LCP2: variants seen among roughly 807,000 people sequenced by gnomAD.
LCP2 encodes the protein lymphocyte cytosolic protein 2.
A neutral mutation model predicts 74.5 loss-of-function variants in LCP2; 29 were observed. The ratio of observed to expected loss-of-function variants is 0.39; its 90% CI spans 0.29 to 0.53. The LOEUF is 0.53. LCP2 is among the 20% of genes least tolerant of loss of function. LCP2 has a pLI of 0.72. For synonymous variants in LCP2, 228 were observed against 229.5 expected (o/e 0.99, Z 0.06); for missense variants, 604 against 634.6 (o/e 0.95, Z 0.52).
At chr5:170,251,262 C>A in intron 19 of LCP2, 2 of 200,816 alleles carry the variant, frequency 1.0e-5, no homozygotes, top group Admixed American at 5.4e-5. Context: ...CCTAGTATTC[C>A]TGTGAGTTAA....
chr5:170,269,993 C>T (rs770107106), intron 7 of LCP2, among the ~76,000 whole-genome samples: 31 of 152,156 alleles, frequency 2.0e-4, no homozygotes, highest in African/African-American at 5.8e-4. Context: ...AAATGGTATT[C>T]GTTTTTTGTG....
intron 1 of LCP2, among the ~76,000 whole-genome samples, chr5:170,296,793 G>A (rs1004833233): frequency 5.9e-5 from 9 of 152,160 alleles, no homozygotes; most frequent in African/African-American, 1.4e-4. Flanking sequence ...TCCCAGCACC[G>A]CCACAAGCCT....
chr5:170,280,284 C>A (rs927842066), intron 3 of LCP2, among the ~76,000 whole-genome samples: 1 of 152,056 alleles, frequency 6.6e-6, no homozygotes, highest in Non-Finnish European at 1.5e-5. Context: ...TGCCTCTCCC[C>A]CTGTGCTGTT....
rs541379508 is a variant in LCP2 at position 170,275,051 on chromosome 5, C to A, written c.286+269G>T. 2.0e-5 allele frequency among the ~76,000 whole-genome samples: 3 copies of A among 152,192 alleles called. No homozygotes were observed. In the East Asian group the frequency reaches 5.8e-4, roughly 29 times the overall value. On this transcript the variant is annotated intron_variant, in intron 5 of 20. Transcript: ENST00000046794. ...GTGCTCACTCAGAGGTGGGGTCCCT[C>A]TGTTTTCCTCTACAGAGCTCCCAGA... is the stretch of plus-strand genomic sequence containing the variant.
chr5:170,254,812 C>A (rs1479137887), intron 17 of LCP2, among the ~76,000 whole-genome samples: 1 of 152,162 alleles, frequency 6.6e-6, no homozygotes, highest in Admixed American at 6.5e-5. Flanking sequence ...TCACCTACCA[C>A]CCTTAATATC....
intron 19 of LCP2, chr5:170,251,124 C>T (rs1041567074): frequency 2.3e-6 from 1 of 430,060 alleles, no homozygotes; most frequent in African/African-American, 2.0e-5. Flanking sequence ...AAGAAATTTC[C>T]AAGTCAATCT....
At chr5:170,293,805 T>A (rs1581078796) in intron 1 of LCP2, among the ~76,000 whole-genome samples, 1 of 152,358 alleles carries the variant, frequency 6.6e-6, no homozygotes, top group East Asian at 1.9e-4. Flanking sequence ...TTATTCTGAC[T>A]TTTTTCTCTT....
At chr5:170,264,483 C>T (rs904295921) in intron 10 of LCP2, among the ~76,000 whole-genome samples, 2 of 152,232 alleles carry the variant, frequency 1.3e-5, no homozygotes, top group African/African-American at 4.8e-5. Context: ...CAAGTACATG[C>T]CAGGCCCATG....
chr5:170,275,478 G>C, intron 4 of LCP2, 127 bp from the exon 5 acceptor site: 1 of 1,084,162 alleles, frequency 9.2e-7, no homozygotes. Flanking sequence ...AGAGAGGTTT[G>C]TATCCTTGCT....
At chr5:170,278,929 G>A (rs1581070511) in intron 3 of LCP2, among the ~76,000 whole-genome samples, 1 of 152,204 alleles carries the variant, frequency 6.6e-6, no homozygotes, top group South Asian at 2.1e-4. Context: ...AAGCCTGTGG[G>A]ACCACTGCCA....
Position 170,270,415 on chromosome 5 carries a change from C to A in LCP2, c.523+304G>T. 6.3e-6 allele frequency: 2 copies of A among 315,402 alleles called. 1 individual carries two copies. The highest frequency in any genetic ancestry group is 1.5e-4 in the South Asian group (2 of 12,916). 19.5% of individuals were successfully genotyped at this position (315,402 alleles called of 1,614,324 possible). ...AGAATGAGTTGAAACTGCCAAATAGCCTTAGGTGGTAGTTCAATGCTGATA... is the reference window on the plus strand; with the variant it reads ...AGAATGAGTTGAAACTGCCAAATAGACTTAGGTGGTAGTTCAATGCTGATA... On this transcript the variant is annotated intron_variant, in intron 7 of 20. Coordinates refer to ENST00000046794, the MANE Select transcript of LCP2 (RefSeq NM_005565.5).
Position 170,262,830 on chromosome 5 carries a change from C to T in LCP2, c.818+12G>A, listed in dbSNP as rs748748084. ...CGTCCCATGTACCCTCATGTAGATG[C>T]AACAGTCTTACCTTCCCGCTGGAAT... is the stretch of plus-strand genomic sequence containing the variant. On this transcript the variant is annotated intron_variant, in intron 12 of 20. Transcript: ENST00000046794. 7 of 1,614,024 alleles carry T rather than the reference C, an allele frequency of 4.3e-6. No homozygotes were observed. The South Asian group carries it at 5.5e-5, about 13-fold the overall frequency.
intron 13 of LCP2, among the ~76,000 whole-genome samples, 194 bp downstream of exon 13, chr5:170,262,441 T>C (rs1048879153): frequency 4.6e-5 from 7 of 152,052 alleles, no homozygotes; most frequent in African/African-American, 1.7e-4. Flanking sequence ...CTCAGTAGAG[T>C]CCATTTCCTT....
chr5:170,266,692 C>T (rs963709010), intron 10 of LCP2, 116 bp downstream of exon 10: 1 of 883,086 alleles, frequency 1.1e-6, no homozygotes. Context: ...CTACTAGTCT[C>T]CACTTCCTAG....
intron 10 of LCP2, among the ~76,000 whole-genome samples, chr5:170,263,351 T>C (rs1015070704): frequency 6.6e-5 from 10 of 152,352 alleles, no homozygotes; most frequent in African/African-American, 2.4e-4. Flanking sequence ...TTGGCCAAAG[T>C]ATTTCTTCTG....
chr5:170,288,757 C>G (rs911870046), intron 2 of LCP2, among the ~76,000 whole-genome samples: 2 of 152,182 alleles, frequency 1.3e-5, no homozygotes, highest in Non-Finnish European at 2.9e-5. Context: ...TGGAATTCCA[C>G]TCTGTGACAT....
Position 170,256,584 on chromosome 5 carries a change from A to C in LCP2, c.1101-9T>G. 1 of 1,607,384 alleles carries C rather than the reference A, an allele frequency of 6.2e-7. No individual in the cohort carries two copies. The highest frequency in any genetic ancestry group is 8.5e-7 in the Non-Finnish European group (1 of 1,174,022). On this transcript the variant is annotated splice_polypyrimidine_tract_variant and intron_variant, in intron 16 of 20. Transcript: ENST00000046794. The surrounding 1 kb of genome is among the most constrained non-coding windows in gnomAD (Gnocchi z 4.5). ...GTGGAAAACTGCTGTTACTGAGGAG[A>C]CAGAAAAAGAACAAAATTTATTTGG...
intron 4 of LCP2, chr5:170,275,579 C>T (rs1397179144): frequency 4.7e-6 from 3 of 644,340 alleles, no homozygotes; most frequent in African/African-American, 3.7e-5. Context: ...CTGTCTGATG[C>T]TGTAGAGGAA....
chr5:170,278,592 A>C (rs925757587), intron 3 of LCP2, among the ~76,000 whole-genome samples: 36 of 151,930 alleles, frequency 2.4e-4, no homozygotes, highest in Non-Finnish European at 4.4e-4. Context: ...CATTTCAGTA[A>C]TGACTTGAGC....
Sources: allele counts gnomAD v4.1 joint callset (sites outside exome capture counted in the v4.1 genomes callset), GRCh38; gene constraint gnomAD v4.1.1; non-coding constraint Gnocchi (gnomAD v3.1); transcripts MANE v1.5; gene names NCBI Gene and HGNC (gene_info 2026-07-23, HGNC 2026-07-21).